The following DLC1 variants were observed in gnomAD, a reference collection of about 807,000 sequenced individuals.
The protein encoded by DLC1 is rho GTPase-activating protein 7.
DLC1 carries 54 observed loss-of-function variants against 140.3 expected under a neutral mutation model. The observed-to-expected ratio is 0.38, with a 90% confidence interval of 0.31 to 0.48. The LOEUF is 0.48. DLC1 is among the 20% of genes least tolerant of loss of function. The pLI is 0.96. For missense variants in DLC1, 2,536 were observed against 1,907.0 expected (o/e 1.33, Z -6.14); for synonymous variants, 986 against 728.1 (o/e 1.35, Z -5.70).
At chr8:13,586,992 A>G (rs1248839031) in intron 1 of DLC1, among the ~76,000 whole-genome samples, 2 of 152,000 alleles carry the variant, frequency 1.3e-5, no homozygotes, top group East Asian at 3.9e-4. Context: ...TTAGGGTTTT[A>G]TGCAATACAT....
At chr8:13,089,299 T>TA (rs1356705700) in intron 15 of DLC1, among the ~76,000 whole-genome samples, 1 of 140,564 alleles carries the variant, frequency 7.1e-6, no homozygotes, top group Admixed American at 7.3e-5. Context: ...TTTTTTTTTT[T>TA]CTGGGACCTA....
chr8:13,376,423 A>G (rs1169297274), intron 4 of DLC1, among the ~76,000 whole-genome samples: 5 of 152,150 alleles, frequency 3.3e-5, no homozygotes, highest in Non-Finnish European at 1.5e-5. Flanking sequence ...TATAAGAAAC[A>G]TGGTTGACTC....
chr8:13,268,509 C>T (rs898867249), intron 5 of DLC1, among the ~76,000 whole-genome samples: 1 of 152,106 alleles, frequency 6.6e-6, no homozygotes, highest in African/African-American at 2.4e-5. Flanking sequence ...CTCAGCTTCC[C>T]GAGTATTTGG....
At chr8:13,507,284 AG>A (rs1418232514) in intron 1 of DLC1, among the ~76,000 whole-genome samples, 4 of 152,222 alleles carry the variant, frequency 2.6e-5, no homozygotes, top group African/African-American at 9.6e-5. Context: ...TATGCTTAGA[AG>A]CCAGAAAGCC....
chr8:13,580,551 C>G (rs553128912), intron 1 of DLC1, among the ~76,000 whole-genome samples: 10 of 152,160 alleles, frequency 6.6e-5, no homozygotes, highest in African/African-American at 1.9e-4. Context: ...GCCTGGACTT[C>G]CTGCTCACTG....
chr8:13,113,004 G>T (rs2128948687), intron 6 of DLC1, among the ~76,000 whole-genome samples: 1 of 152,234 alleles, frequency 6.6e-6, no homozygotes, highest in African/African-American at 2.4e-5. Flanking sequence ...TGTTATTTTA[G>T]GAATTCTAAG....
At position 13,352,441 on chromosome 8, in the gene DLC1, G is replaced by C. The variant is rs550615065; in HGVS notation, c.1314+41112C>G. Among the ~76,000 whole-genome samples the C allele has an allele frequency of 3.9e-5, 6 of 152,200 alleles. No homozygotes were observed. The South Asian group carries it at 1.0e-3, about 26-fold the overall frequency. ...TCTGTCACTCAGCTGGACTGCAGTG[G>C]GGTGATCACAGCTTACTGTAGCCTT... On this transcript the variant is annotated intron_variant, in intron 4 of 17. Transcript: ENST00000276297.
intron 5 of DLC1, among the ~76,000 whole-genome samples, chr8:13,135,948 T>G (rs1032404738): frequency 2.0e-5 from 3 of 152,194 alleles, no homozygotes; most frequent in African/African-American, 7.2e-5. Context: ...ATCCTTTCTT[T>G]TGGTGATGCA....
intron 15 of DLC1, 183 bp from the exon 16 acceptor site, chr8:13,088,887 T>C (rs1817798406): frequency 1.8e-6 from 1 of 558,390 alleles, no homozygotes; most frequent in Non-Finnish European, 3.1e-6. Flanking sequence ...ATCTATGACT[T>C]AAATAGGCTG....
intron 4 of DLC1, among the ~76,000 whole-genome samples, chr8:13,343,388 A>C (rs1337245516): frequency 6.6e-6 from 1 of 152,194 alleles, no homozygotes. Context: ...TGGTGTCCTC[A>C]ATCAGTTATG....
chr8:13,470,867 G>A (rs952726116), intron 2 of DLC1, among the ~76,000 whole-genome samples: 1 of 152,110 alleles, frequency 6.6e-6, no homozygotes, highest in African/African-American at 2.4e-5. Context: ...TGACACCTAA[G>A]TGTCCATCAA....
chr8:13,506,028 C>T (rs1040002875), intron 1 of DLC1, among the ~76,000 whole-genome samples: 6 of 143,944 alleles, frequency 4.2e-5, no homozygotes, highest in African/African-American at 7.5e-5. Context: ...TTATTTTGTC[C>T]TTTGAGAATA....
At chr8:13,524,970 C>T (rs1032027943) in intron 1 of DLC1, among the ~76,000 whole-genome samples, 1 of 152,120 alleles carries the variant, frequency 6.6e-6, no homozygotes, top group South Asian at 2.1e-4. Flanking sequence ...TTCCTCCTGC[C>T]TCTTTGCCAT....
chr8:13,317,973 A>C (rs1181587031), intron 4 of DLC1, among the ~76,000 whole-genome samples: 1 of 152,226 alleles, frequency 6.6e-6, no homozygotes, highest in Non-Finnish European at 1.5e-5. Context: ...TATGCCAGGC[A>C]GTTTTCTAAG....
chr8:13,107,560 A>G (rs1819670539), intron 7 of DLC1, among the ~76,000 whole-genome samples: 1 of 152,260 alleles, frequency 6.6e-6, no homozygotes, highest in Non-Finnish European at 1.5e-5. Context: ...CTGTCAGTCT[A>G]GAGAGAACTT....
chr8:13,430,530 T>G (rs1838817447), intron 2 of DLC1, among the ~76,000 whole-genome samples: 1 of 152,188 alleles, frequency 6.6e-6, no homozygotes, highest in East Asian at 1.9e-4. Flanking sequence ...AAAATGATTT[T>G]TAGGTTATAT....
chr8:13,259,134 C>G (rs1312576716), intron 5 of DLC1, among the ~76,000 whole-genome samples: 3 of 97,638 alleles, frequency 3.1e-5, no homozygotes, highest in African/African-American at 1.2e-4. Flanking sequence ...GAAACTCCGT[C>G]TCAAGAAAAA....
chr8:13,226,299 T>G (rs1828793861), intron 5 of DLC1, among the ~76,000 whole-genome samples: 1 of 152,228 alleles, frequency 6.6e-6, no homozygotes. Context: ...TTAGAAATAC[T>G]TTCAGATATA....
At chr8:13,162,662 A>G (rs1373134003) in intron 5 of DLC1, among the ~76,000 whole-genome samples, 1 of 152,004 alleles carries the variant, frequency 6.6e-6, no homozygotes, top group Non-Finnish European at 1.5e-5. Flanking sequence ...TGGCTGGTAC[A>G]GTGGGTACAG....
Sources: gnomAD v4.1 joint callset for allele counts (sites outside exome capture counted in the v4.1 genomes callset) on GRCh38, gnomAD v4.1.1 for gene constraint, MANE v1.5 for transcripts, NCBI Gene and HGNC (gene_info 2026-07-23, HGNC 2026-07-21) for gene names.